The following TMEM163 variants were observed in gnomAD, a reference collection of about 807,000 sequenced individuals.
TMEM163 encodes the protein transmembrane protein 163.
In TMEM163, 17 loss-of-function variants were observed where a neutral mutation model predicts 29.3. The observed-to-expected ratio is 0.58, with a 90% CI of 0.40 to 0.87. The LOEUF is 0.87. TMEM163 is among the 40% of genes least tolerant of loss of function. The probability of loss-of-function intolerance (pLI) is 0.00; values close to 1 mark genes in which losing one functional copy is unlikely to be tolerated. For synonymous variants in TMEM163, 157 were observed against 160.6 expected, an observed-to-expected ratio of 0.98 and a Z score of 0.17; for missense variants, 303 against 381.5, an observed-to-expected ratio of 0.79 and a Z score of 1.71.
intron 2 of TMEM163, among the ~76,000 whole-genome samples, chr2:134,613,279 G>A (rs1558964831): frequency 6.6e-6 from 1 of 152,160 alleles, no homozygotes; most frequent in Non-Finnish European, 1.5e-5. Flanking sequence ...ACAACATCAA[G>A]TATATTAACA....
chr2:134,602,889 A>C (rs764186212), intron 2 of TMEM163, among the ~76,000 whole-genome samples: 1 of 151,742 alleles, frequency 6.6e-6, no homozygotes, highest in Non-Finnish European at 1.5e-5. Flanking sequence ...TCAAAGCTTC[A>C]GCTCCCACTT....
chr2:134,672,759 C>T (rs1684020768), intron 2 of TMEM163, among the ~76,000 whole-genome samples: 1 of 152,138 alleles, frequency 6.6e-6, no homozygotes, highest in African/African-American at 2.4e-5. Context: ...GGTCCACTAA[C>T]AGGGCCTTCA....
At chr2:134,650,142 A>T (rs1683436288) in intron 2 of TMEM163, among the ~76,000 whole-genome samples, 1 of 152,124 alleles carries the variant, frequency 6.6e-6, no homozygotes, top group African/African-American at 2.4e-5. Context: ...GTGTTTAAAA[A>T]AACTGTACTA....
At chr2:134,637,905 T>A (rs931452916) in intron 2 of TMEM163, among the ~76,000 whole-genome samples, 1 of 152,256 alleles carries the variant, frequency 6.6e-6, no homozygotes, top group Non-Finnish European at 1.5e-5. Context: ...CAGCTCTTGC[T>A]TATATCAATG....
chr2:134,586,416 TC>T (rs1280950020), intron 2 of TMEM163, among the ~76,000 whole-genome samples: 1 of 152,220 alleles, frequency 6.6e-6, no homozygotes, highest in Non-Finnish European at 1.5e-5. Context: ...TTCCTTGGCT[TC>T]TGCTGCATCA....
chr2:134,605,884 G>C (rs1468287439), intron 2 of TMEM163, among the ~76,000 whole-genome samples: 2 of 152,168 alleles, frequency 1.3e-5, no homozygotes, highest in African/African-American at 4.8e-5. Flanking sequence ...TTGTAGAGTA[G>C]GATGCCATGT....
chr2:134,475,999 C>T (rs900226037), intron 5 of TMEM163, among the ~76,000 whole-genome samples: 16 of 152,178 alleles, frequency 1.1e-4, no homozygotes, highest in African/African-American at 2.7e-4. Flanking sequence ...TGAAGGCATA[C>T]GTCCACACGA....
chr2:134,497,464 G>T (rs377707577), intron 5 of TMEM163, among the ~76,000 whole-genome samples: 22 of 152,142 alleles, frequency 1.4e-4, no homozygotes, highest in Non-Finnish European at 2.5e-4. Flanking sequence ...GGCCAAGAGC[G>T]CAAGGTGAAG....
At chr2:134,490,571 T>C (rs55893044) in intron 5 of TMEM163, among the ~76,000 whole-genome samples, 1 of 152,142 alleles carries the variant, frequency 6.6e-6, no homozygotes. Context: ...TGATCAGATA[T>C]CCCATTTTAA....
chr2:134,505,378 T>G (rs1490427580), intron 4 of TMEM163, among the ~76,000 whole-genome samples: 1 of 151,960 alleles, frequency 6.6e-6, no homozygotes. Flanking sequence ...GGATTGAGAA[T>G]GTCCGGCCTA....
intron 2 of TMEM163, among the ~76,000 whole-genome samples, chr2:134,636,814 C>T (rs1683115177): frequency 6.6e-6 from 1 of 152,210 alleles, no homozygotes; most frequent in Non-Finnish European, 1.5e-5. Context: ...GCAGATTCTG[C>T]ACTTGATGGA....
intron 4 of TMEM163, among the ~76,000 whole-genome samples, chr2:134,519,568 C>T (rs1007369576): frequency 1.1e-4 from 17 of 151,988 alleles, no homozygotes; most frequent in Middle Eastern, 3.4e-3. Flanking sequence ...AAAAATTAGC[C>T]GGGCGTGGTG....
At chr2:134,647,978 AG>A (rs1683373085) in intron 2 of TMEM163, among the ~76,000 whole-genome samples, 1 of 152,232 alleles carries the variant, frequency 6.6e-6, no homozygotes, top group Non-Finnish European at 1.5e-5. Context: ...TGCTGTCCAC[AG>A]ATGGCTTAAG....
chr2:134,490,708 C>A (rs1160094942), intron 5 of TMEM163, among the ~76,000 whole-genome samples: 1 of 152,100 alleles, frequency 6.6e-6, no homozygotes, highest in Non-Finnish European at 1.5e-5. Flanking sequence ...CAGAAAACTC[C>A]CAAGTGACCA....
At position 134,709,840 on chromosome 2, in the gene TMEM163, C is replaced by T. The variant is rs144485881; in HGVS notation, c.322+3360G>A. ...CATAAAGTCTGATAAGAAACATTTGCAGTCTGTTCTCTCTGAAGTCTGCTA... is the reference window on the plus strand; with the variant it reads ...CATAAAGTCTGATAAGAAACATTTGTAGTCTGTTCTCTCTGAAGTCTGCTA... On this transcript the variant is annotated intron_variant, in intron 2 of 7. Transcript: ENST00000281924. 5.9e-5 allele frequency among the ~76,000 whole-genome samples: 9 copies of T among 152,334 alleles called. No individual in the cohort carries two copies. The East Asian group carries it at 1.7e-3, about 29-fold the overall frequency.
intron 2 of TMEM163, among the ~76,000 whole-genome samples, chr2:134,681,331 G>GC (rs1370505179): frequency 6.6e-6 from 1 of 152,162 alleles, no homozygotes; most frequent in Non-Finnish European, 1.5e-5. Context: ...GGCTGGCTAT[G>GC]CATTACCTGC....
chr2:134,482,712 C>T (rs1679219414), intron 5 of TMEM163, among the ~76,000 whole-genome samples: 1 of 152,196 alleles, frequency 6.6e-6, no homozygotes, highest in Non-Finnish European at 1.5e-5. Flanking sequence ...AGCCTGAGCC[C>T]TCCATTTCCC....
chr2:134,650,717 C>G (rs1427997644), intron 2 of TMEM163, among the ~76,000 whole-genome samples: 3 of 122,900 alleles, frequency 2.4e-5, no homozygotes, highest in Non-Finnish European at 4.8e-5. Flanking sequence ...CCACAGTCCC[C>G]AGAGTGTGAT....
At chr2:134,469,632 CTGCAT>C (rs1686748820) in intron 5 of TMEM163, 1 of 53,688 alleles carries the variant, frequency 1.9e-5, no homozygotes, top group Non-Finnish European at 3.0e-5. Context: ...CAGGCACATT[CTGCAT>C]TCTGTGGCTC....
Sources: gnomAD v4.1 joint callset for allele counts (sites outside exome capture counted in the v4.1 genomes callset) on GRCh38, gnomAD v4.1.1 for gene constraint, MANE v1.5 for transcripts, NCBI Gene and HGNC (gene_info 2026-07-23, HGNC 2026-07-21) for gene names.